SEPTIN9: variants seen among roughly 807,000 people sequenced by gnomAD.
SEPTIN9 encodes septin 9.
Under a neutral mutation model 56.6 loss-of-function variants are expected in SEPTIN9, and 13 were observed. The ratio of observed to expected loss-of-function variants is 0.23; its 90% confidence interval spans 0.15 to 0.37. The LOEUF (loss-of-function observed/expected upper bound fraction) is 0.37, where lower values mean the gene tolerates loss of function less well. SEPTIN9 is among the 10% of genes least tolerant of loss of function. The pLI, the probability that SEPTIN9 is intolerant of heterozygous loss-of-function variation, is 1.00. For missense variants in SEPTIN9, 650 were observed against 823.1 expected, an observed-to-expected ratio of 0.79 and a Z score of 2.57; for synonymous variants, 332 against 334.1, an observed-to-expected ratio of 0.99 and a Z score of 0.07.
intron 2 of SEPTIN9, among the ~76,000 whole-genome samples, chr17:77,368,762 A>G (rs1285137719): frequency 6.6e-6 from 1 of 152,270 alleles, no homozygotes; most frequent in Non-Finnish European, 1.5e-5. Flanking sequence ...ATAAGTAATT[A>G]TATTTAAAAC....
Position 77,389,093 on chromosome 17 carries a change from G to A in SEPTIN9, c.77-12966G>A, listed in dbSNP as rs2035443815. ...TCAGGGTCTCCAGGTCCGGGTCCTG[G>A]TCCCCGGCAGAGCTTCCCATCCATG... On this transcript the variant is annotated intron_variant, in intron 2 of 11. Transcript: ENST00000427177. This position sits in a 1 kb window ranked among gnomAD's most constrained non-coding sequence, Gnocchi z 4.3. 6.6e-6 allele frequency among the ~76,000 whole-genome samples: 1 copy of A among 152,128 alleles called. No homozygotes were observed. The highest frequency in any genetic ancestry group is 1.5e-5 in the Non-Finnish European group (1 of 68,006).
intron 2 of SEPTIN9, among the ~76,000 whole-genome samples, chr17:77,366,382 T>A (rs1284164634): frequency 6.6e-6 from 1 of 152,106 alleles, no homozygotes; most frequent in Non-Finnish European, 1.5e-5. Flanking sequence ...TGGGACTGTG[T>A]GAAGAGAGAA....
chr17:77,466,672 A>C, intron 3 of SEPTIN9: 6 of 698,456 alleles, frequency 8.6e-6, no homozygotes, highest in Non-Finnish European at 1.1e-5. Flanking sequence ...AGTGTGGGAG[A>C]CCCTGGGGGC....
At chr17:77,392,798 C>T (rs537718108) in intron 2 of SEPTIN9, among the ~76,000 whole-genome samples, 5 of 152,224 alleles carry the variant, frequency 3.3e-5, no homozygotes, top group African/African-American at 1.2e-4. Context: ...TTCACGTTGT[C>T]CCTGTCCCTA....
At chr17:77,490,269 A>G (rs2039969640) in intron 7 of SEPTIN9, among the ~76,000 whole-genome samples, 1 of 152,210 alleles carries the variant, frequency 6.6e-6, no homozygotes, top group Non-Finnish European at 1.5e-5. Flanking sequence ...TCCCCACATC[A>G]GACCCCAGGC....
intron 1 of SEPTIN9, chr17:77,288,154 G>A: frequency 9.4e-7 from 1 of 1,061,500 alleles, no homozygotes; most frequent in Non-Finnish European, 1.1e-6. Flanking sequence ...CAGAGAAGGG[G>A]TCCAGGCAGG....
At chr17:77,494,263 G>A (rs555928373) in intron 10 of SEPTIN9, among the ~76,000 whole-genome samples, 2 of 152,336 alleles carry the variant, frequency 1.3e-5, no homozygotes, top group South Asian at 2.1e-4. Context: ...CCCCTGGGGG[G>A]CCACAGTTCA....
chr17:77,439,111 A>G (rs1029468698), intron 3 of SEPTIN9, among the ~76,000 whole-genome samples: 2 of 152,198 alleles, frequency 1.3e-5, no homozygotes, highest in African/African-American at 4.8e-5. Flanking sequence ...ATGGAGGCCC[A>G]GGGAAGTTAA....
chr17:77,356,992 G>A (rs1045827693), intron 2 of SEPTIN9, among the ~76,000 whole-genome samples: 1 of 151,804 alleles, frequency 6.6e-6, no homozygotes, highest in Non-Finnish European at 1.5e-5. Context: ...ACACAGCTGA[G>A]GAAGCTGTCG....
chr17:77,410,346 C>T (rs2036248179), intron 3 of SEPTIN9, among the ~76,000 whole-genome samples: 1 of 152,118 alleles, frequency 6.6e-6, no homozygotes, highest in African/African-American at 2.4e-5. Context: ...AGTGATTTGT[C>T]CACAGTTACA....
chr17:77,466,811 C>T (rs185217020), intron 3 of SEPTIN9, among the ~76,000 whole-genome samples: 3 of 152,302 alleles, frequency 2.0e-5, no homozygotes, highest in South Asian at 4.1e-4. Flanking sequence ...AGGAAGGCCT[C>T]GCAGGAGAGG....
rs1191708975 is a variant in SEPTIN9, at chr17:77,429,053, C to T, written c.721+26350C>T. On this transcript the variant is annotated intron_variant, in intron 3 of 11. Coordinates refer to ENST00000427177, the MANE Select transcript of SEPTIN9 (RefSeq NM_001113491.2). The surrounding 1 kb of genome is among the most constrained non-coding windows in gnomAD (Gnocchi z 5.2). ...TCTCAGCAGCCCTCCGCCCCCTGCT[C>T]CTGGTTGCAGATGTACCTGTTCTTG... The T allele has an allele frequency of 2.3e-5, 11 of 471,462 alleles. No individual in the cohort carries two copies. The highest frequency in any genetic ancestry group is 1.9e-4 in the Admixed American group (8 of 42,564). 29.2% of individuals were successfully genotyped at this position (471,462 alleles called of 1,614,324 possible).
chr17:77,482,821 G>T, intron 4 of SEPTIN9: 2 of 516,880 alleles, frequency 3.9e-6, no homozygotes, highest in African/African-American at 1.9e-5. Context: ...AGAGCTGGAG[G>T]TCACCACGGG....
intron 3 of SEPTIN9, among the ~76,000 whole-genome samples, chr17:77,477,788 G>A (rs1423363192): frequency 2.6e-5 from 4 of 152,328 alleles, no homozygotes; most frequent in South Asian, 4.1e-4. Flanking sequence ...GGGAAGCTCT[G>A]CATTTTGCTT....
chr17:77,412,693 T>A (rs938605548), intron 3 of SEPTIN9, among the ~76,000 whole-genome samples: 1 of 151,938 alleles, frequency 6.6e-6, no homozygotes, highest in Non-Finnish European at 1.5e-5. Flanking sequence ...ACCACTGCAC[T>A]CCAGCCTGGG....
chr17:77,366,080 G>T (rs1019157203), intron 2 of SEPTIN9, among the ~76,000 whole-genome samples: 1 of 152,148 alleles, frequency 6.6e-6, no homozygotes, highest in Non-Finnish European at 1.5e-5. Flanking sequence ...CAAGCCTCCT[G>T]GTACCCTGGG....
intron 2 of SEPTIN9, among the ~76,000 whole-genome samples, chr17:77,338,216 T>G (rs1170490918): frequency 1.3e-5 from 2 of 151,958 alleles, no homozygotes; most frequent in Non-Finnish European, 2.9e-5. Flanking sequence ...AGAAAAAAGT[T>G]ATGTTTACAC....
At chr17:77,486,133 A>C (rs2039768279) in intron 4 of SEPTIN9, among the ~76,000 whole-genome samples, 1 of 148,364 alleles carries the variant, frequency 6.7e-6, no homozygotes, top group African/African-American at 2.5e-5. Flanking sequence ...GTTTTTTTAA[A>C]AGACAGGGTC....
At chr17:77,282,798 A>G (rs2143470396) in intron 1 of SEPTIN9, among the ~76,000 whole-genome samples, 1 of 152,288 alleles carries the variant, frequency 6.6e-6, no homozygotes, top group East Asian at 1.9e-4. Flanking sequence ...CAGGTGGCAC[A>G]TGCTTGGTTT....
Sources: gnomAD v4.1 joint callset for allele counts (sites outside exome capture counted in the v4.1 genomes callset) on GRCh38, gnomAD v4.1.1 for gene constraint, Gnocchi (gnomAD v3.1) non-coding constraint, MANE v1.5 for transcripts, NCBI Gene and HGNC (gene_info 2026-07-23, HGNC 2026-07-21) for gene names.